Variants in PRKN observed in about 807,000 individuals in gnomAD.
PRKN encodes parkin RBR E3 ubiquitin protein ligase.
Under a neutral mutation model 59.5 loss-of-function variants are expected in PRKN, and 56 were observed. That is an observed-to-expected ratio of 0.94 (90% CI 0.76 to 1.18). PRKN has a LOEUF of 1.18. Ranked by LOEUF, PRKN falls within the 50% of genes most tolerant of loss-of-function variation. PRKN has a pLI of 0.00. For missense variants in PRKN, 657 were observed against 596.4 expected (o/e 1.10, Z -1.06); for synonymous variants, 250 against 222.1 (o/e 1.13, Z -1.12).
chr6:162,350,755 GTTAAGAAAACAC>G (rs928620558), intron 2 of PRKN, among the ~76,000 whole-genome samples: 1 of 151,942 alleles, frequency 6.6e-6, no homozygotes, highest in Non-Finnish European at 1.5e-5. Context: ...ATGACCTTGG[GTTAAGAAAACAC>G]TTTTTAGCTA....
chr6:162,183,773 G>A (rs770588693), intron 4 of PRKN, among the ~76,000 whole-genome samples: 6 of 152,094 alleles, frequency 3.9e-5, no homozygotes, highest in Non-Finnish European at 7.4e-5. Flanking sequence ...TTGAATTGCC[G>A]CAGTATGCCG....
At chr6:161,872,788 G>C (rs111674632) in intron 6 of PRKN, among the ~76,000 whole-genome samples, 5,636 of 152,022 alleles carry the variant, frequency 0.037, 350 homozygotes, top group African/African-American at 0.13. Flanking sequence ...CTGCTTCCTG[G>C]AGAGCCCAGG....
chr6:161,667,471 T>A (rs1340177714), intron 7 of PRKN, among the ~76,000 whole-genome samples: 1 of 152,196 alleles, frequency 6.6e-6, no homozygotes, highest in African/African-American at 2.4e-5. Context: ...TGCGATGCTT[T>A]CTCCACCCCT....
intron 9 of PRKN, among the ~76,000 whole-genome samples, chr6:161,515,232 T>C (rs537339039): frequency 5.9e-5 from 9 of 152,276 alleles, no homozygotes; most frequent in African/African-American, 1.9e-4. Context: ...ATCCAACTGT[T>C]TTCCCCCTTC....
At chr6:162,021,933 G>A (rs1341051068) in intron 5 of PRKN, among the ~76,000 whole-genome samples, 2 of 152,056 alleles carry the variant, frequency 1.3e-5, no homozygotes, top group African/African-American at 2.4e-5. Flanking sequence ...ACTTATAAGT[G>A]AGAACATGCA....
chr6:161,870,585 T>A (rs1288442964), intron 6 of PRKN, among the ~76,000 whole-genome samples: 6 of 152,310 alleles, frequency 3.9e-5, no homozygotes, highest in Non-Finnish European at 8.8e-5. Context: ...CTAAAAAAAA[T>A]TTTTAATGTT....
chr6:162,610,719 G>C (rs1285027778), intron 1 of PRKN, among the ~76,000 whole-genome samples: 1 of 152,070 alleles, frequency 6.6e-6, no homozygotes, highest in Non-Finnish European at 1.5e-5. Context: ...TTGCTATCTA[G>C]ATTAGCAATA....
chr6:162,553,134 C>T (rs899263609), intron 1 of PRKN, among the ~76,000 whole-genome samples: 2 of 152,126 alleles, frequency 1.3e-5, no homozygotes, highest in African/African-American at 2.4e-5. Flanking sequence ...TCTTACAACA[C>T]AATGTGCATT....
intron 5 of PRKN, among the ~76,000 whole-genome samples, chr6:161,994,852 G>A (rs538839708): frequency 4.4e-4 from 67 of 151,282 alleles, no homozygotes; most frequent in South Asian, 1.9e-3. Context: ...CTCATTGACC[G>A]AATTAATATT....
At chr6:161,819,935 A>G (rs1791950516) in intron 6 of PRKN, among the ~76,000 whole-genome samples, 1 of 152,186 alleles carries the variant, frequency 6.6e-6, no homozygotes, top group Non-Finnish European at 1.5e-5. Flanking sequence ...CATAAAATTA[A>G]CTGGCCAAAT....
chr6:162,404,736 G>C (rs966840912), intron 2 of PRKN, among the ~76,000 whole-genome samples: 1 of 152,128 alleles, frequency 6.6e-6, no homozygotes, highest in Admixed American at 6.5e-5. Flanking sequence ...ATTTTGAGTA[G>C]AGACGGGGTT....
Position 162,163,243 on chromosome 6 carries a change from G to A in PRKN, c.534+37888C>T, listed in dbSNP as rs146369604. 2.5e-3 allele frequency among the ~76,000 whole-genome samples: 371 copies of A among 149,098 alleles called. 32 individuals are homozygous for A. The highest frequency in any genetic ancestry group is 9.0e-3 in the African/African-American group (356 of 39,664). ...CAATTTTACGTCTGTGTTAAGGACAGGAATCACAGGACATCTCACTTATTA... is the reference window on the plus strand; with the variant it reads ...CAATTTTACGTCTGTGTTAAGGACAAGAATCACAGGACATCTCACTTATTA... On this transcript the variant is annotated intron_variant, in intron 4 of 11. Transcript: ENST00000366898.
Position 161,456,385 on chromosome 6 carries a change from C to T in PRKN, c.1084-69508G>A, listed in dbSNP as rs990443229. Among the ~76,000 whole-genome samples the T allele has an allele frequency of 2.0e-5, 3 of 152,204 alleles. No individual in the cohort carries two copies. Among genetic ancestry groups the T allele is most frequent in the African/African-American group, 7.2e-5 (3 of 41,448 alleles). ...TTCAGCTTTTGGACTCTTGGACCTACACCAGTGGTTTGCCAGGGGCTCTCA... is the reference window on the plus strand; with the variant it reads ...TTCAGCTTTTGGACTCTTGGACCTATACCAGTGGTTTGCCAGGGGCTCTCA... On this transcript the variant is annotated intron_variant, in intron 9 of 11. Coordinates refer to ENST00000366898, the MANE Select transcript of PRKN (RefSeq NM_004562.3). The surrounding 1 kb of genome is among the most constrained non-coding windows in gnomAD (Gnocchi z 4.8).
At chr6:161,615,634 C>G (rs73782954) in intron 7 of PRKN, among the ~76,000 whole-genome samples, 3,095 of 152,328 alleles carry the variant, frequency 0.02, 124 homozygotes, top group African/African-American at 0.069. Context: ...CTGCCAGGAC[C>G]CTTGCTCCGG....
chr6:162,090,909 G>GT (rs1779466405), intron 4 of PRKN, among the ~76,000 whole-genome samples: 1 of 152,132 alleles, frequency 6.6e-6, no homozygotes, highest in Non-Finnish European at 1.5e-5. Flanking sequence ...GTTCTATTTG[G>GT]TAATTCGTGG....
chr6:161,667,152 C>G (rs1289920120), intron 7 of PRKN, among the ~76,000 whole-genome samples: 2 of 152,204 alleles, frequency 1.3e-5, no homozygotes, highest in African/African-American at 4.8e-5. Flanking sequence ...CCAAACCCAA[C>G]TCAATCCACC....
intron 1 of PRKN, among the ~76,000 whole-genome samples, chr6:162,490,379 G>A (rs1032761288): frequency 6.6e-6 from 1 of 152,062 alleles, no homozygotes; most frequent in East Asian, 1.9e-4. Flanking sequence ...TTCACTAACT[G>A]TTATACCTTT....
intron 2 of PRKN, among the ~76,000 whole-genome samples, chr6:162,380,481 ATG>A (rs1554309914): frequency 2.7e-3 from 108 of 40,484 alleles, no homozygotes; most frequent in African/African-American, 5.4e-3. Context: ...GTGTATATAT[ATG>A]TATATATACA....
chr6:162,473,970 T>C (rs568030314), intron 1 of PRKN, among the ~76,000 whole-genome samples: 90 of 152,356 alleles, frequency 5.9e-4, no homozygotes, highest in Non-Finnish European at 1.0e-3. Flanking sequence ...CCACCAGCTT[T>C]CCGGTGCAAC....
Sources: gnomAD v4.1 joint callset for allele counts (sites outside exome capture counted in the v4.1 genomes callset) on GRCh38, gnomAD v4.1.1 for gene constraint, Gnocchi (gnomAD v3.1) non-coding constraint, MANE v1.5 for transcripts, NCBI Gene and HGNC (gene_info 2026-07-23, HGNC 2026-07-21) for gene names.